KIAA2012: variants seen among roughly 807,000 people sequenced by gnomAD.
The protein encoded by KIAA2012 is uncharacterized protein KIAA2012.
In KIAA2012, 125 loss-of-function variants were observed where a neutral mutation model predicts 150.6. That is an observed-to-expected ratio of 0.83 (90% confidence interval 0.72 to 0.96). KIAA2012 has a LOEUF of 0.96. Among genes scored for constraint, KIAA2012 ranks in the 40% least tolerant of loss-of-function variants. The probability of loss-of-function intolerance (pLI) is 0.00; values close to 1 mark genes in which losing one functional copy is unlikely to be tolerated. For missense variants in KIAA2012, 1,219 were observed against 1,354.9 expected, an observed-to-expected ratio of 0.90 and a Z score of 1.57; for synonymous variants, 462 against 504.7, an observed-to-expected ratio of 0.92 and a Z score of 1.13.
At chr2:202,201,579 G>A in intron 22 of KIAA2012, 3 of 1,609,892 alleles carry the variant, frequency 1.9e-6, no homozygotes, top group South Asian at 1.1e-5. Context: ...CACCAGCACT[G>A]TGGAGCCAGG....
intron 2 of KIAA2012, among the ~76,000 whole-genome samples, chr2:202,085,907 C>T (rs1046767314): frequency 2.6e-5 from 4 of 152,044 alleles, no homozygotes; most frequent in South Asian, 2.1e-4. Context: ...CAGTGGCTCA[C>T]GCCTGTAATC....
At chr2:202,101,190 T>A (rs1459474443) in intron 7 of KIAA2012, among the ~76,000 whole-genome samples, 1 of 152,240 alleles carries the variant, frequency 6.6e-6, no homozygotes, top group Non-Finnish European at 1.5e-5. Flanking sequence ...TGTATCTGAC[T>A]GTGATCTACA....
At chr2:202,176,134 A>AT (rs1691984057) in intron 15 of KIAA2012, among the ~76,000 whole-genome samples, 1 of 152,236 alleles carries the variant, frequency 6.6e-6, no homozygotes, top group Non-Finnish European at 1.5e-5. Flanking sequence ...ATTTTTATGA[A>AT]TTTTGGAAAG....
At chr2:202,140,056 C>T (rs917367825) in intron 13 of KIAA2012, among the ~76,000 whole-genome samples, 23 of 152,140 alleles carry the variant, frequency 1.5e-4, no homozygotes, top group African/African-American at 4.8e-4. Flanking sequence ...GGTGAAACCC[C>T]GTCTCTACTA....
In KIAA2012 at chr2:202,154,690, G is replaced by A; in HGVS notation, c.1926G>A (p.Leu642=). Residue 642 remains leucine (L), a synonymous_variant, in exon 14 of 24, where the codon TTG becomes TTA. Transcript: ENST00000498697. ...TTEKQGAQQS[L]EAAAQKTGEP... ...CTTCACAGGGAGCCCAGCAGTCCTT[G>A]GAGGCAGCAGCTCAGAAGACAGGAG... 1 of 1,547,198 alleles carries A rather than the reference G, an allele frequency of 6.5e-7. No individual in the cohort carries two copies. The highest frequency in any genetic ancestry group is 1.2e-5 in the South Asian group (1 of 83,398).
chr2:202,198,114 C>T (rs1056871975), intron 22 of KIAA2012, among the ~76,000 whole-genome samples: 1 of 136,158 alleles, frequency 7.3e-6, no homozygotes, highest in Non-Finnish European at 1.5e-5. Context: ...ATAGAGGTTG[C>T]AGTGAGCTGA....
intron 18 of KIAA2012, among the ~76,000 whole-genome samples, chr2:202,189,842 A>C (rs974477891): frequency 2.6e-5 from 4 of 152,100 alleles, no homozygotes; most frequent in Non-Finnish European, 5.9e-5. Context: ...CTGTAATCCC[A>C]TCACTTTGGG....
rs193133137 is a variant in KIAA2012, at chr2:202,160,511, T to C, written c.2047-4773T>C. On this transcript the variant is annotated intron_variant, in intron 14 of 23. Transcript: ENST00000498697. ...TATATTTTTAGTACAGACGGGGTTTTACCATGTTAGCCAGCATGGTCTCGA... is the reference window on the plus strand; with the variant it reads ...TATATTTTTAGTACAGACGGGGTTTCACCATGTTAGCCAGCATGGTCTCGA... Among the ~76,000 whole-genome samples, 778 of 152,068 alleles carry C rather than the reference T, an allele frequency of 5.1e-3. 9 individuals are homozygous for C. Among genetic ancestry groups the C allele is most frequent in the Admixed American group, 0.018 (281 of 15,266 alleles).
Position 202,196,828 on chromosome 2 carries a change from G to A in KIAA2012, c.3216G>A (p.Leu1072=), listed in dbSNP as rs533972103. ...CAGAGAAGCAAAGGCAAGAGGAATT[G>A]GAAATGCAGTTAGAAGAAGAACAAA... ...AEAEKQRQEE[L]EMQLEEEQKH... Residue 1072 remains leucine, a synonymous_variant, in exon 22 of 24, where the codon TTG becomes TTA. Transcript: ENST00000498697. The A allele has an allele frequency of 9.7e-6, 15 of 1,550,554 alleles. No individual in the cohort carries two copies. Among genetic ancestry groups the A allele is most frequent in the Non-Finnish European group, 1.3e-5 (15 of 1,146,998 alleles).
chr2:202,096,252 A>G (rs1330409115), intron 4 of KIAA2012, among the ~76,000 whole-genome samples: 1 of 152,210 alleles, frequency 6.6e-6, no homozygotes, highest in East Asian at 1.9e-4. Flanking sequence ...GAATATCCCC[A>G]AAGGTCTTTA....
At chr2:202,204,171 G>A (rs533723668) in intron 23 of KIAA2012, among the ~76,000 whole-genome samples, 1 of 151,428 alleles carries the variant, frequency 6.6e-6, no homozygotes, top group East Asian at 2.0e-4. Flanking sequence ...TGACCTCCTG[G>A]GCTCAAACAA....
intron 19 of KIAA2012, among the ~76,000 whole-genome samples, chr2:202,192,955 G>A (rs1321994302): frequency 6.6e-6 from 1 of 152,190 alleles, no homozygotes; most frequent in East Asian, 1.9e-4. Context: ...ATTCTAAAGT[G>A]CAGCCATGGT....
At chr2:202,094,464 T>C (rs1689811088) in intron 4 of KIAA2012, among the ~76,000 whole-genome samples, 3 of 152,102 alleles carry the variant, frequency 2.0e-5, no homozygotes, top group South Asian at 2.1e-4. Flanking sequence ...CACATCTCAC[T>C]TGAGTCTTTT....
chr2:202,094,127 T>A (rs1336678160), intron 4 of KIAA2012, among the ~76,000 whole-genome samples: 1 of 152,114 alleles, frequency 6.6e-6, no homozygotes, highest in Non-Finnish European at 1.5e-5. Context: ...ACAAAAAATT[T>A]AAAATTTTAG....
chr2:202,190,071 G>A, intron 18 of KIAA2012, 103 bp from the exon 19 acceptor site: 1 of 966,940 alleles, frequency 1.0e-6, no homozygotes, highest in Non-Finnish European at 1.5e-6. Flanking sequence ...TTGGGTGACA[G>A]AGCAAGACCC....
At chr2:202,144,586 T>A (rs1388588153) in intron 13 of KIAA2012, among the ~76,000 whole-genome samples, 2 of 152,202 alleles carry the variant, frequency 1.3e-5, no homozygotes, top group African/African-American at 4.8e-5. Flanking sequence ...ATCGTAACCT[T>A]TTATTTCAGT....
At chr2:202,130,088 CT>C (rs1334779151) in intron 12 of KIAA2012, among the ~76,000 whole-genome samples, 5 of 151,890 alleles carry the variant, frequency 3.3e-5, no homozygotes, top group African/African-American at 1.2e-4. Context: ...TTTAATGGCC[CT>C]AAAAAAAAGC....
rs1404216262 is a variant in KIAA2012 at position 202,165,306 on chromosome 2, A to C, written c.2069A>C (p.Tyr690Ser). Reference protein sequence around the residue: ...FLKESGNALDYQEEAGRPLRE... With the variant: ...FLKESGNALDSQEEAGRPLRE... ...TAGGAAAGTGGAAATGCACTGGACTATCAGGAAGAAGCAGGGAGACCCCTC... is the reference window on the plus strand; with the variant it reads ...TAGGAAAGTGGAAATGCACTGGACTCTCAGGAAGAAGCAGGGAGACCCCTC... The change falls in exon 15 of 24, where the codon TAT becomes TCT. Residue 690 changes from tyrosine (Y) to serine (S), a missense_variant. Coordinates refer to ENST00000498697, the MANE Select transcript of KIAA2012 (RefSeq NM_001277372.4). 6.4e-7 allele frequency: 1 copy of C among 1,550,444 alleles called. No homozygotes were observed. Among genetic ancestry groups the C allele is most frequent in the South Asian group, 1.2e-5 (1 of 84,058 alleles).
At chr2:202,126,750 G>A (rs1451883242) in intron 12 of KIAA2012, among the ~76,000 whole-genome samples, 2 of 152,100 alleles carry the variant, frequency 1.3e-5, no homozygotes, top group Middle Eastern at 3.2e-3. Context: ...AGTAGTGATA[G>A]GAGATAAATC....
Sources: gnomAD v4.1 joint callset for allele counts (sites outside exome capture counted in the v4.1 genomes callset) on GRCh38, gnomAD v4.1.1 for gene constraint, MANE v1.5 for transcripts, NCBI Gene and HGNC (gene_info 2026-07-23, HGNC 2026-07-21) for gene names.